ZNF415: variants seen among roughly 807,000 people sequenced by gnomAD.
ZNF415 encodes zinc finger protein 415.
A neutral mutation model predicts 7.3 loss-of-function variants in ZNF415; 5 were observed. The ratio of observed to expected loss-of-function variants is 0.69; its 90% confidence interval spans 0.36 to 1.44. The LOEUF (loss-of-function observed/expected upper bound fraction) is 1.44, where lower values mean the gene tolerates loss of function less well. ZNF415 is among the 40% of genes most tolerant of loss of function. ZNF415 has a pLI of 0.04. For missense variants in ZNF415, 628 were observed against 664.8 expected (o/e 0.94, Z 0.61); for synonymous variants, 207 against 226.3 (o/e 0.91, Z 0.77).
chr19:53,114,176 G>A (rs2086657199), intron 3 of ZNF415, among the ~76,000 whole-genome samples: 1 of 152,074 alleles, frequency 6.6e-6, no homozygotes, highest in Non-Finnish European at 1.5e-5. Flanking sequence ...TATATCAAAA[G>A]CTGGGTTTGT....
rs775076062 is a variant in ZNF415 at position 53,108,773 on chromosome 19, A to AGG, written c.1271_1272insCC (p.Ser425LeufsTer32). ...CTCTCCGATGACTCGCAAGGTGTGAATTGTAACTGAAAACCTTACCACATT... is the reference window on the plus strand; with the variant it reads ...CTCTCCGATGACTCGCAAGGTGTGAAGGTTGTAACTGAAAACCTTACCACATT... On this transcript the variant is annotated frameshift_variant, in exon 4 of 4. Coordinates refer to ENST00000243643, the MANE Select transcript of ZNF415 (RefSeq NM_018355.4). LOFTEE classifies it low-confidence loss of function (END_TRUNC). 9.9e-6 allele frequency: 16 copies of AGG among 1,612,778 alleles called. No individual in the cohort carries two copies. The highest frequency in any genetic ancestry group is 1.4e-5 in the Non-Finnish European group (16 of 1,179,260).
chr19:53,125,263 CG>C (rs2146567194), intron 1 of ZNF415, among the ~76,000 whole-genome samples: 1 of 151,676 alleles, frequency 6.6e-6, no homozygotes, highest in African/African-American at 2.4e-5. Flanking sequence ...AGGATGGTCT[CG>C]ATCTCCTGAC....
rs566592085 is a variant in ZNF415, at chr19:53,116,826, C to T, written c.16-393G>A. The stretch of plus-strand genomic sequence containing the variant: ...AGGGATCAAGCAAAAGAAAAAATTT[C>T]AGAACTTGAAGACAGGTCTTTTGAA... On this transcript the variant is annotated intron_variant, in intron 2 of 3. Coordinates refer to ENST00000243643, the MANE Select transcript of ZNF415 (RefSeq NM_018355.4). Among the ~76,000 whole-genome samples, 294 of 151,948 alleles carry T rather than the reference C, an allele frequency of 1.9e-3. 2 individuals carry two copies. The highest frequency in any genetic ancestry group is 6.7e-3 in the African/African-American group (276 of 41,456).
chr19:53,109,252 C>T lies in ZNF415; in HGVS notation c.793G>A (p.Val265Ile). 6.2e-7 allele frequency: 1 copy of T among 1,614,162 alleles called. No individual in the cohort carries two copies. Among genetic ancestry groups the T allele is most frequent in the South Asian group, 1.1e-5 (1 of 91,084 alleles). The part of the protein sequence containing the change: ...QKSNLARHWR[V>I]HTGEKPYKCN... The stretch of plus-strand genomic sequence containing the variant: ...TTGTATGGTTTCTCTCCAGTATGAA[C>T]TCTCCAATGACGCGCAAGGTTTGAT... Residue 265 changes from valine (V) to isoleucine (I), a missense_variant, in exon 4 of 4, where the codon GTT (valine) becomes ATT (isoleucine). Val to Ile is a conservative substitution (Grantham distance 29). Coordinates refer to ENST00000243643, the MANE Select transcript of ZNF415 (RefSeq NM_018355.4).
intron 2 of ZNF415, among the ~76,000 whole-genome samples, chr19:53,118,819 T>G (rs1025077937): frequency 6.6e-6 from 1 of 151,966 alleles, no homozygotes; most frequent in African/African-American, 2.4e-5. Context: ...GGGAAGTTTA[T>G]AGTAATAAAC....
chr19:53,110,088 G>A (rs1201788870), intron 3 of ZNF415, among the ~76,000 whole-genome samples, 180 bp from the exon 4 acceptor site: 1 of 152,100 alleles, frequency 6.6e-6, no homozygotes, highest in Non-Finnish European at 1.5e-5. Context: ...TAAAAAAAGG[G>A]TGATTACATG....
At position 53,115,920 on chromosome 19, in the gene ZNF415, T is replaced by A. The variant is rs765064408; in HGVS notation, c.136+393A>T. On this transcript the variant is annotated intron_variant, in intron 3 of 3. Transcript: ENST00000243643. ...GGATAAGAAGAGAGGCTATCACAGA[T>A]GGATCTAGGAAAATATTTCACAAAT... is the stretch of plus-strand genomic sequence containing the variant. 29 of 842,180 alleles carry A rather than the reference T, an allele frequency of 3.4e-5. No homozygotes were observed. The South Asian group carries it at 4.0e-4, about 12-fold the overall frequency. 52.2% of individuals were successfully genotyped at this position (842,180 alleles called of 1,614,324 possible). A position where few individuals can be genotyped will look rare whatever the true frequency, so the allele number is the denominator to read the frequency against.
rs1739394815 is a variant in ZNF415 at position 53,116,244 on chromosome 19, G to A, written c.136+69C>T. On this transcript the variant is annotated intron_variant, in intron 3 of 3. Coordinates refer to ENST00000243643, the MANE Select transcript of ZNF415 (RefSeq NM_018355.4). ...AGTCAGGTAATGCAGGGGCTCCCAA[G>A]AGGCACACAAGGGAAAATGGAAAGA... 1.9e-6 allele frequency: 3 copies of A among 1,540,530 alleles called. No individual in the cohort carries two copies. In the Admixed American group the frequency reaches 6.4e-5, roughly 33 times the overall value.
intron 3 of ZNF415, among the ~76,000 whole-genome samples, chr19:53,114,059 T>C (rs1312582781): frequency 6.6e-6 from 1 of 152,220 alleles, no homozygotes; most frequent in East Asian, 1.9e-4. Context: ...ATAAATTTTC[T>C]GTTATCATAT....
chr19:53,124,565 T>C (rs2088708584), intron 1 of ZNF415, among the ~76,000 whole-genome samples: 2 of 151,652 alleles, frequency 1.3e-5, no homozygotes, highest in African/African-American at 2.4e-5. Context: ...AACATGAGAG[T>C]TGGTGGGGCA....
At chr19:53,119,205 C>T (rs1292700364) in intron 2 of ZNF415, among the ~76,000 whole-genome samples, 3 of 151,906 alleles carry the variant, frequency 2.0e-5, no homozygotes, top group Non-Finnish European at 4.4e-5. Context: ...TGGCATGAAC[C>T]CAGGAGGCGG....
intron 2 of ZNF415, 34 bp downstream of exon 2, chr19:53,122,628 G>A: frequency 1.2e-6 from 2 of 1,613,808 alleles, no homozygotes; most frequent in African/African-American, 2.7e-5. Flanking sequence ...TGAAAAGAGG[G>A]AGACAGAATG....
At chr19:53,122,301 G>T in intron 2 of ZNF415, 1 of 1,148,304 alleles carries the variant, frequency 8.7e-7, no homozygotes, top group Non-Finnish European at 1.2e-6. Flanking sequence ...ACTTCCATGG[G>T]CAGCTTCTCT....
chr19:53,122,540 A>T, intron 2 of ZNF415, 122 bp downstream of exon 2: 6 of 1,600,842 alleles, frequency 3.7e-6, no homozygotes, highest in Non-Finnish European at 5.1e-6. Context: ...GCACGGGTCA[A>T]TGTGAGCAAA....
chr19:53,109,671 C>T lies in ZNF415; in HGVS notation c.374G>A (p.Arg125His), dbSNP rs1180191824. The change falls in exon 4 of 4, where the codon CGC becomes CAC. Residue 125 changes from arginine to histidine, a missense_variant. Transcript: ENST00000243643. ...KENLTCRRDQ[R>H]DRRGIGNKSI... is the part of the protein sequence containing the mutation. ...CTTGTTTCCTATACCTCTTCTATCG[C>T]GTTGGTCTCTCCTACAAGTAAGATT... 3.7e-6 allele frequency: 6 copies of T among 1,613,974 alleles called. No individual in the cohort carries two copies. The highest frequency in any genetic ancestry group is 2.7e-5 in the African/African-American group (2 of 74,904).
chr19:53,123,648 G>C (rs903863340), intron 1 of ZNF415: 1 of 398,720 alleles, frequency 2.5e-6, no homozygotes, highest in Admixed American at 4.4e-5. Flanking sequence ...GATGAGGTCA[G>C]AGAGGTCCTG....
intron 3 of ZNF415, among the ~76,000 whole-genome samples, chr19:53,111,622 C>T (rs1021333729): frequency 4.6e-5 from 7 of 151,908 alleles, no homozygotes; most frequent in Admixed American, 2.0e-4. Flanking sequence ...GGATTACAGG[C>T]GTGAGCCACT....
intron 2 of ZNF415, among the ~76,000 whole-genome samples, chr19:53,120,535 A>G (rs1183104811): frequency 2.0e-5 from 3 of 152,186 alleles, no homozygotes; most frequent in African/African-American, 4.8e-5. Context: ...GGGATACTCT[A>G]TATCTAAGCA....
chr19:53,121,077 CAAAAAAAAAAAAA>C (rs58307730), intron 2 of ZNF415, among the ~76,000 whole-genome samples: 2 of 40,350 alleles, frequency 5.0e-5, no homozygotes, highest in Admixed American at 3.9e-4. Flanking sequence ...GAGGAAGACT[CAAAAAAAAAAAAA>C]AAAAAAAAAA....
Sources: allele counts gnomAD v4.1 joint callset (sites outside exome capture counted in the v4.1 genomes callset), GRCh38; gene constraint gnomAD v4.1.1; transcripts MANE v1.5; gene names NCBI Gene and HGNC (gene_info 2026-07-23, HGNC 2026-07-21).